RABL3: variants seen among roughly 807,000 people sequenced by gnomAD.
The protein encoded by RABL3 is RAB, member of RAS oncogene family like 3.
In RABL3, 31 loss-of-function variants were observed where a neutral mutation model predicts 31.8. The ratio of observed to expected loss-of-function variants is 0.97; its 90% CI spans 0.73 to 1.31. The LOEUF is 1.31. RABL3 is among the 40% of genes most tolerant of loss of function. The pLI, the probability that RABL3 is intolerant of heterozygous loss-of-function variation, is 0.00. For missense variants in RABL3, 263 were observed against 279.6 expected, an observed-to-expected ratio of 0.94 and a Z score of 0.42; for synonymous variants, 97 against 99.9, an observed-to-expected ratio of 0.97 and a Z score of 0.18.
intron 1 of RABL3, among the ~76,000 whole-genome samples, chr3:120,732,414 T>C (rs2107596045): frequency 6.6e-6 from 1 of 152,356 alleles, no homozygotes; most frequent in South Asian, 2.1e-4. Context: ...TTATTACATG[T>C]GTTTATTTAT....
chr3:120,699,816 C>G (rs563717427), intron 4 of RABL3, among the ~76,000 whole-genome samples: 1 of 152,090 alleles, frequency 6.6e-6, no homozygotes, highest in Non-Finnish European at 1.5e-5. Flanking sequence ...TGCATCAAAG[C>G]CAATAATAGC....
At chr3:120,715,871 T>G (rs551566771) in intron 2 of RABL3, among the ~76,000 whole-genome samples, 10 of 152,290 alleles carry the variant, frequency 6.6e-5, no homozygotes, top group African/African-American at 2.4e-4. Flanking sequence ...GGACAAGTCA[T>G]GTAGTGCCTC....
At chr3:120,698,385 C>T (rs747618268) in intron 5 of RABL3, 38 bp downstream of exon 5, 27 of 1,567,226 alleles carry the variant, frequency 1.7e-5, no homozygotes, top group Admixed American at 1.1e-4. Flanking sequence ...TGTCTTTACC[C>T]GATAATAATA....
intron 5 of RABL3, among the ~76,000 whole-genome samples, chr3:120,697,544 T>A (rs1708450451): frequency 1.3e-5 from 2 of 152,242 alleles, no homozygotes; most frequent in African/African-American, 4.8e-5. Context: ...TGACTGAAAT[T>A]GCTGGCCAGG....
chr3:120,729,547 A>G (rs1708858864), intron 2 of RABL3, among the ~76,000 whole-genome samples: 1 of 152,220 alleles, frequency 6.6e-6, no homozygotes, highest in Non-Finnish European at 1.5e-5. Context: ...TATGTTGGAA[A>G]TTATTAAAAT....
At position 120,698,572 on chromosome 3, in the gene RABL3, C is replaced by A. The variant is rs1409633248; in HGVS notation, c.385G>T (p.Asp129Tyr). ...VPTGVLVTNG[D>Y]YDQEQFADNQ... ...TCAGCAAACTGTTCTTGATCATAATCCCTGTGATAAATAATAATGAAGAGG... is the reference window on the plus strand; with the variant it reads ...TCAGCAAACTGTTCTTGATCATAATACCTGTGATAAATAATAATGAAGAGG... The change falls in exon 5 of 8, where the codon GAT (aspartate) becomes TAT (tyrosine). Residue 129 changes from aspartate (D) to tyrosine (Y), a missense_variant and splice_region_variant. Transcript: ENST00000273375. 70 of 1,606,760 alleles carry A rather than the reference C, an allele frequency of 4.4e-5. No homozygotes were observed. The highest frequency in any genetic ancestry group is 5.8e-5 in the Non-Finnish European group (68 of 1,175,636).
At position 120,684,990 on chromosome 3, in the gene RABL3, CATTT is replaced by C. The variant is rs370214056; in HGVS notation, c.*4829_*4832del. On this transcript the variant is annotated 3_prime_UTR_variant, in exon 8 of 8. Transcript: ENST00000273375. ...ATTTTAATTAATGTAATTATACATT[CATTT>C]ATTTAACAATTTTTGAAAACCATCA... Among the ~76,000 whole-genome samples the C allele has an allele frequency of 4.6e-5, 7 of 152,302 alleles. No homozygotes were observed. In the East Asian group the frequency reaches 7.7e-4, roughly 17 times the overall value.
chr3:120,694,907 C>T (rs1210404028), intron 5 of RABL3, among the ~76,000 whole-genome samples: 2 of 149,746 alleles, frequency 1.3e-5, no homozygotes, highest in Non-Finnish European at 3.0e-5. Flanking sequence ...TTAATCATTA[C>T]AATAACTTTA....
rs138046817 is a variant in RABL3, at chr3:120,730,534, G to A, written c.138+162C>T. On this transcript the variant is annotated intron_variant, in intron 2 of 7. Coordinates refer to ENST00000273375, the MANE Select transcript of RABL3 (RefSeq NM_173825.5). ...AGTTTTAAAAAGGTGAAATAAGAAGGGACATGTAAAGCAACTGGCATAGTA... is the reference window on the plus strand; with the variant it reads ...AGTTTTAAAAAGGTGAAATAAGAAGAGACATGTAAAGCAACTGGCATAGTA... Among the ~76,000 whole-genome samples, 68 of 152,214 alleles carry A rather than the reference G, an allele frequency of 4.5e-4. No individual in the cohort carries two copies. The East Asian group carries it at 0.012, about 27-fold the overall frequency.
intron 2 of RABL3, among the ~76,000 whole-genome samples, chr3:120,713,675 A>G (rs1708636010): frequency 6.6e-6 from 1 of 152,206 alleles, no homozygotes; most frequent in African/African-American, 2.4e-5. Context: ...GGAAAAAGGA[A>G]CAGTACTCCT....
intron 4 of RABL3, among the ~76,000 whole-genome samples, chr3:120,703,243 T>C (rs1476454520): frequency 6.6e-6 from 1 of 152,100 alleles, no homozygotes; most frequent in Non-Finnish European, 1.5e-5. Flanking sequence ...TCATATAAAG[T>C]ATGTTCTTGG....
In RABL3 at chr3:120,706,064, G is replaced by A. The variant is rs144478835; in HGVS notation, c.319C>T (p.Arg107Cys). 2.9e-5 allele frequency: 46 copies of A among 1,613,800 alleles called. No homozygotes were observed. The highest frequency in any genetic ancestry group is 2.8e-4 in the African/African-American group (21 of 75,008). ...LTNKKSSQNL[R>C]RWSLEALNRD... is the part of the protein sequence containing the mutation. ...TTGAGAGCTTCCAATGACCAACGAC[G>A]CAAGTTTTGGGAGGACTTCTTATTT... is the stretch of plus-strand genomic sequence containing the variant. Residue 107 changes from arginine (R) to cysteine (C), a missense_variant, in exon 4 of 8, where the codon CGT becomes TGT. Arg to Cys is a radical substitution (Grantham distance 180). Coordinates refer to ENST00000273375, the MANE Select transcript of RABL3 (RefSeq NM_173825.5).
chr3:120,702,588 C>T (rs1348457538), intron 4 of RABL3, among the ~76,000 whole-genome samples: 2 of 150,226 alleles, frequency 1.3e-5, no homozygotes, highest in Non-Finnish European at 3.0e-5. Context: ...GACGGAGTCT[C>T]ACTCTGTTGC....
chr3:120,695,535 T>C (rs532215982), intron 5 of RABL3, among the ~76,000 whole-genome samples: 48 of 152,310 alleles, frequency 3.2e-4, no homozygotes, highest in African/African-American at 1.0e-3. Context: ...TAGTAAAATA[T>C]TAGTCCTCCT....
Position 120,694,158 on chromosome 3 carries a change from C to CA in RABL3, c.600dup (p.Asp201Ter), listed in dbSNP as rs1339465735. ...AACTTAATTGAAACCATTACCTTAT[C>CA]AAAAAACCTACTGAGCTTGACAGCA... On this transcript the variant is annotated frameshift_variant, in exon 6 of 8. Coordinates refer to ENST00000273375, the MANE Select transcript of RABL3 (RefSeq NM_173825.5). LOFTEE classifies it high-confidence loss of function. 4 of 1,601,668 alleles carry CA rather than the reference C, an allele frequency of 2.5e-6. No homozygotes were observed. The highest frequency in any genetic ancestry group is 1.3e-5 in the African/African-American group (1 of 74,636).
intron 1 of RABL3, among the ~76,000 whole-genome samples, chr3:120,741,377 A>G (rs934192860): frequency 2.0e-5 from 3 of 152,228 alleles, no homozygotes; most frequent in Admixed American, 6.5e-5. Context: ...ATGTGAAAAC[A>G]TTCTTAACCT....
intron 1 of RABL3, among the ~76,000 whole-genome samples, chr3:120,740,434 G>C (rs1204888932): frequency 1.3e-5 from 2 of 151,932 alleles, no homozygotes; most frequent in African/African-American, 2.4e-5. Context: ...CTAACTTTCT[G>C]TACTGTTTTT....
chr3:120,703,409 T>C (rs961217892), intron 4 of RABL3, among the ~76,000 whole-genome samples: 1 of 152,110 alleles, frequency 6.6e-6, no homozygotes, highest in Non-Finnish European at 1.5e-5. Context: ...AAGTAATACA[T>C]TTAAACATTT....
chr3:120,723,085 A>G (rs977997710), intron 2 of RABL3, among the ~76,000 whole-genome samples: 4 of 152,226 alleles, frequency 2.6e-5, no homozygotes, highest in African/African-American at 9.6e-5. Context: ...AGAAGAATCA[A>G]ATAGATGCAA....
Sources: allele counts gnomAD v4.1 joint callset (sites outside exome capture counted in the v4.1 genomes callset), GRCh38; gene constraint gnomAD v4.1.1; transcripts MANE v1.5; gene names NCBI Gene and HGNC (gene_info 2026-07-23, HGNC 2026-07-21).